Variants in LRRK2 observed in about 807,000 individuals in gnomAD.
LRRK2 encodes leucine-rich repeat serine/threonine-protein kinase 2.
Under a neutral mutation model 302.6 loss-of-function variants are expected in LRRK2, and 203 were observed. That is an observed-to-expected ratio of 0.67 (90% CI 0.60 to 0.75). LRRK2 has a LOEUF of 0.75. LRRK2 is among the 30% of genes least tolerant of loss of function. LRRK2 has a pLI of 0.00. For missense variants in LRRK2, 2,830 were observed against 2,951.0 expected, an observed-to-expected ratio of 0.96 and a Z score of 0.95; for synonymous variants, 1,066 against 1,031.9, an observed-to-expected ratio of 1.03 and a Z score of -0.63.
At chr12:40,301,007 T>G (rs1274937982) in intron 25 of LRRK2, 5 of 467,214 alleles carry the variant, frequency 1.1e-5, no homozygotes, top group South Asian at 7.7e-5. Flanking sequence ...AGGACAGGTA[T>G]GACCTCTGCC....
intron 45 of LRRK2, among the ~76,000 whole-genome samples, chr12:40,354,725 C>T (rs559242071): frequency 6.6e-6 from 1 of 152,248 alleles, no homozygotes; most frequent in East Asian, 1.9e-4. Flanking sequence ...CCTACCAGCC[C>T]TGCTCCTGGT....
chr12:40,340,577 T>C, intron 41 of LRRK2, 123 bp downstream of exon 41: 1 of 949,440 alleles, frequency 1.1e-6, no homozygotes, highest in East Asian at 2.4e-5. Context: ...AGGTTTATTT[T>C]GTGAAAAAAT....
chr12:40,313,029 C>G (rs1945088128), intron 31 of LRRK2: 1 of 151,862 alleles, frequency 6.6e-6, no homozygotes, highest in African/African-American at 2.4e-5. Flanking sequence ...TTTTTAGTCA[C>G]AAGTAGAAAA....
At chr12:40,260,911 T>A (rs1214156076) in intron 13 of LRRK2, among the ~76,000 whole-genome samples, 1 of 152,178 alleles carries the variant, frequency 6.6e-6, no homozygotes, top group Non-Finnish European at 1.5e-5. Context: ...TTTGCTTTGT[T>A]CTTTTAAAAT....
At chr12:40,309,296 G>GTA in intron 30 of LRRK2, 63 bp downstream of exon 30, 1 of 1,567,568 alleles carries the variant, frequency 6.4e-7, no homozygotes, top group Non-Finnish European at 8.7e-7. Context: ...GTGTGTGTGT[G>GTA]TGTGTGTAAG....
intron 7 of LRRK2, among the ~76,000 whole-genome samples, chr12:40,248,225 T>TTG (rs1942094740): frequency 2.0e-5 from 3 of 152,198 alleles, no homozygotes; most frequent in Non-Finnish European, 4.4e-5. Context: ...CTTGCACATG[T>TTG]TACATTAAAA....
At chr12:40,296,625 C>T (rs1328206306) in intron 23 of LRRK2, among the ~76,000 whole-genome samples, 1 of 151,202 alleles carries the variant, frequency 6.6e-6, no homozygotes, top group East Asian at 1.9e-4. Flanking sequence ...GAGTGAGACC[C>T]TGTCTCAAAA....
At chr12:40,343,109 T>C (rs1946097956) in intron 41 of LRRK2, among the ~76,000 whole-genome samples, 1 of 152,216 alleles carries the variant, frequency 6.6e-6, no homozygotes, top group African/African-American at 2.4e-5. Flanking sequence ...GCAGAGCTCC[T>C]GGTCCAGCAC....
rs201215436 is a variant in LRRK2 at position 40,368,870 on chromosome 12, A to G, written c.*1105A>G. ...TTACATAGCTTACCACAATAGGAGT[A>G]TCAGGGCCAAATACCTATGTAATAA... On this transcript the variant is annotated 3_prime_UTR_variant, in exon 51 of 51. Coordinates refer to ENST00000298910, the MANE Select transcript of LRRK2 (RefSeq NM_198578.4). 6.6e-6 allele frequency: 1 copy of G among 151,856 alleles called. No homozygotes were observed. The highest frequency in any genetic ancestry group is 1.5e-5 in the Non-Finnish European group (1 of 67,772). The allele number at this position is 151,856 out of a possible 1,614,324, so 9.4% of individuals were successfully genotyped here. A position where few individuals can be genotyped will look rare whatever the true frequency, so the allele number is the denominator to read the frequency against.
chr12:40,332,184 T>C (rs1346353574), intron 39 of LRRK2, among the ~76,000 whole-genome samples: 1 of 152,204 alleles, frequency 6.6e-6, no homozygotes, highest in Non-Finnish European at 1.5e-5. Flanking sequence ...TGCTGTTACT[T>C]AGAATATTCC....
chr12:40,250,064 A>G (rs1942185505), intron 8 of LRRK2, 119 bp downstream of exon 8: 1 of 1,266,034 alleles, frequency 7.9e-7, no homozygotes, highest in South Asian at 1.3e-5. Flanking sequence ...TGTCCTGTGT[A>G]GCTCATTTTC....
intron 23 of LRRK2, among the ~76,000 whole-genome samples, chr12:40,297,017 G>A (rs1944410283): frequency 6.6e-6 from 1 of 151,868 alleles, no homozygotes; most frequent in Non-Finnish European, 1.5e-5. Flanking sequence ...ATTCTCATTC[G>A]GTCATCCAAT....
In LRRK2 at chr12:40,320,069, A is replaced by G; in HGVS notation, c.4909A>G (p.Lys1637Glu). 6.2e-7 allele frequency: 1 copy of G among 1,611,854 alleles called. No individual in the cohort carries two copies. The highest frequency in any genetic ancestry group is 8.5e-7 in the Non-Finnish European group (1 of 1,178,864). The change falls in exon 34 of 51, where the codon AAA becomes GAA. Residue 1637 changes from lysine (K) to glutamate (E), a missense_variant. Lys to Glu is a moderately conservative substitution (Grantham distance 56). This residue lies in a region of LRRK2 where 2,121 missense variants were observed against 2,148.0 expected (regional missense o/e 0.99). Transcript: ENST00000298910. ...TAGAGATGTGGAAAAATTTCTTTCA[A>G]AAAAAAGGAAATTTCCAAAGAACTA... ...SRRDVEKFLS[K>E]KRKFPKNYMS...
At chr12:40,302,398 G>A (rs902265766) in intron 25 of LRRK2, among the ~76,000 whole-genome samples, 1 of 151,828 alleles carries the variant, frequency 6.6e-6, no homozygotes, top group African/African-American at 2.4e-5. Flanking sequence ...ATAATATACT[G>A]TATTTTAGTA....
chr12:40,348,004 C>T (rs756433906), intron 42 of LRRK2, among the ~76,000 whole-genome samples: 18 of 151,928 alleles, frequency 1.2e-4, no homozygotes, highest in African/African-American at 2.7e-4. Context: ...GAATAAGCTA[C>T]GCCTCTTATA....
chr12:40,240,413 G>A (rs1195934252), intron 5 of LRRK2, 70 bp from the exon 6 acceptor site: 2 of 1,387,596 alleles, frequency 1.4e-6, no homozygotes, highest in Non-Finnish European at 2.0e-6. Context: ...AATGAATATT[G>A]TAATTTTTGA....
At chr12:40,256,851 C>A (rs1263528230) in intron 11 of LRRK2, among the ~76,000 whole-genome samples, 1 of 152,190 alleles carries the variant, frequency 6.6e-6, no homozygotes, top group African/African-American at 2.4e-5. Flanking sequence ...TATATAAGTG[C>A]AGTTATTTGT....
intron 33 of LRRK2, among the ~76,000 whole-genome samples, chr12:40,315,915 G>T (rs1945202688): frequency 6.6e-6 from 1 of 151,838 alleles, no homozygotes; most frequent in Non-Finnish European, 1.5e-5. Context: ...ACTACCTCAG[G>T]GCTTTTCAAC....
intron 33 of LRRK2, among the ~76,000 whole-genome samples, chr12:40,315,795 C>T (rs1945198060): frequency 1.0e-5 from 1 of 96,234 alleles, no homozygotes; most frequent in South Asian, 3.7e-4. Context: ...TTATATTTCA[C>T]ATGGAAAATG....
Sources: gnomAD v4.1 joint callset for allele counts (sites outside exome capture counted in the v4.1 genomes callset) on GRCh38, gnomAD v4.1.1 for gene constraint, gnomAD v4.1.1 regional missense constraint, MANE v1.5 for transcripts, NCBI Gene and HGNC (gene_info 2026-07-23, HGNC 2026-07-21) for gene names.